The following PRDM5 variants were observed in gnomAD, a reference collection of about 807,000 sequenced individuals.
The protein encoded by PRDM5 is PR/SET domain 5, also known as PR domain zinc finger protein 5.
Under a neutral mutation model 81.2 loss-of-function variants are expected in PRDM5, and 56 were observed. The observed-to-expected ratio is 0.69, with a 90% confidence interval of 0.56 to 0.86. PRDM5 has a LOEUF of 0.86. PRDM5 is among the 40% of genes least tolerant of loss of function. The pLI is 0.00. For synonymous variants in PRDM5, 267 were observed against 256.4 expected (o/e 1.04, Z -0.39); for missense variants, 697 against 770.1 (o/e 0.91, Z 1.12).
intron 14 of PRDM5, among the ~76,000 whole-genome samples, chr4:120,722,459 G>A (rs1449007182): frequency 6.6e-6 from 1 of 151,778 alleles, no homozygotes; most frequent in Non-Finnish European, 1.5e-5. Context: ...AAGCACCCTG[G>A]AGGAGGACCC....
rs1487307893 is a variant in PRDM5, at chr4:120,887,880, C to G, written c.177+19594G>C. On this transcript the variant is annotated intron_variant, in intron 2 of 15. Coordinates refer to ENST00000264808, the MANE Select transcript of PRDM5 (RefSeq NM_018699.4). Reference sequence around the variant, plus strand: ...CAATCTCGGCTCACTGCAAGCTCCGCCTCCCGGGTTCACGCCATTCTCCTG... The same window carrying G: ...CAATCTCGGCTCACTGCAAGCTCCGGCTCCCGGGTTCACGCCATTCTCCTG... Among the ~76,000 whole-genome samples the G allele has an allele frequency of 6.8e-5, 4 of 59,248 alleles. 1 individual carries two copies. Among genetic ancestry groups the G allele is most frequent in the Admixed American group, 3.0e-4 (2 of 6,716 alleles). 38.9% of individuals were successfully genotyped at this position (59,248 alleles called of 152,430 possible).
At chr4:120,700,565 G>A (rs1463814544) in intron 15 of PRDM5, among the ~76,000 whole-genome samples, 1 of 152,132 alleles carries the variant, frequency 6.6e-6, no homozygotes, top group Non-Finnish European at 1.5e-5. Flanking sequence ...CAGTTCTAAT[G>A]TCCAGAATCT....
intron 1 of PRDM5, among the ~76,000 whole-genome samples, chr4:120,910,446 TTCTC>T (rs541605805): frequency 6.6e-6 from 1 of 152,160 alleles, no homozygotes; most frequent in Non-Finnish European, 1.5e-5. Flanking sequence ...TACCCAATCC[TTCTC>T]TCTCTCTTTG....
At chr4:120,867,249 C>G (rs951892597) in intron 2 of PRDM5, among the ~76,000 whole-genome samples, 4 of 151,896 alleles carry the variant, frequency 2.6e-5, no homozygotes, top group Non-Finnish European at 2.9e-5. Context: ...CTCACCCACA[C>G]AACTGTGAGA....
intron 3 of PRDM5, among the ~76,000 whole-genome samples, chr4:120,839,641 C>A (rs1314187275): frequency 1.3e-5 from 2 of 152,170 alleles, no homozygotes; most frequent in East Asian, 3.9e-4. Context: ...CCATTCTGGT[C>A]GACCGGACTG....
At chr4:120,690,548 A>C (rs548597763), downstream of PRDM5, among the ~76,000 whole-genome samples, 29 of 152,266 alleles carry the variant, frequency 1.9e-4, no homozygotes, top group African/African-American at 6.7e-4. Flanking sequence ...TTCAGTAGAA[A>C]AATGAAAAAA....
At chr4:120,846,939 G>A (rs1034764342) in intron 3 of PRDM5, among the ~76,000 whole-genome samples, 6 of 152,102 alleles carry the variant, frequency 3.9e-5, no homozygotes, top group South Asian at 4.2e-4. Context: ...GTCAGAGCCC[G>A]GGATCTACTT....
chr4:120,760,985 TA>T (rs1745528077), intron 13 of PRDM5, among the ~76,000 whole-genome samples: 1 of 152,206 alleles, frequency 6.6e-6, no homozygotes, highest in Non-Finnish European at 1.5e-5. Context: ...AGGACTTAGC[TA>T]AAGTCATTAG....
At chr4:120,885,057 C>T (rs898878989) in intron 2 of PRDM5, among the ~76,000 whole-genome samples, 2 of 148,496 alleles carry the variant, frequency 1.3e-5, no homozygotes, top group African/African-American at 5.1e-5. Flanking sequence ...ATGGCCTGAA[C>T]CCGGGAGGGC....
At chr4:120,712,951 C>G (rs1737221603) in intron 14 of PRDM5, among the ~76,000 whole-genome samples, 1 of 152,162 alleles carries the variant, frequency 6.6e-6, no homozygotes, top group South Asian at 2.1e-4. Flanking sequence ...GAAAGCAATT[C>G]TCTAAGGCAT....
intron 2 of PRDM5, among the ~76,000 whole-genome samples, chr4:120,876,784 C>A (rs1338617656): frequency 6.6e-6 from 1 of 152,090 alleles, no homozygotes; most frequent in Non-Finnish European, 1.5e-5. Context: ...TGAAGGAATG[C>A]ATGCAAAATT....
At chr4:120,717,726 G>A (rs757878541) in intron 14 of PRDM5, among the ~76,000 whole-genome samples, 1 of 152,136 alleles carries the variant, frequency 6.6e-6, no homozygotes, top group Non-Finnish European at 1.5e-5. Flanking sequence ...TCGGATCCCT[G>A]GATGGATCCA....
intron 14 of PRDM5, 81 bp downstream of exon 14, chr4:120,754,472 G>A (rs1308048738): frequency 1.1e-6 from 1 of 945,464 alleles, no homozygotes; most frequent in Non-Finnish European, 1.6e-6. Flanking sequence ...CCTTTATTTT[G>A]TAATATAAAG....
intron 14 of PRDM5, among the ~76,000 whole-genome samples, chr4:120,726,977 T>C (rs1182085141): frequency 1.1e-4 from 16 of 152,134 alleles, no homozygotes; most frequent in Non-Finnish European, 1.9e-4. Context: ...AATTCAGCCA[T>C]TGAGTCATAT....
chr4:120,822,974 T>C (rs185751697), intron 3 of PRDM5, among the ~76,000 whole-genome samples: 188 of 152,314 alleles, frequency 1.2e-3, no homozygotes, highest in Non-Finnish European at 2.3e-3. Flanking sequence ...GTATTCTTAG[T>C]GCAACAAAAG....
chr4:120,842,006 TA>T (rs1758091480), intron 3 of PRDM5, among the ~76,000 whole-genome samples: 2 of 152,214 alleles, frequency 1.3e-5, no homozygotes, highest in South Asian at 4.1e-4. Context: ...CACTTCATAG[TA>T]AATACTTCTT....
intron 2 of PRDM5, among the ~76,000 whole-genome samples, chr4:120,901,120 T>C (rs1283648060): frequency 6.6e-6 from 1 of 152,176 alleles, no homozygotes; most frequent in Admixed American, 6.5e-5. Context: ...GGGGTACAAG[T>C]GGTTTTTGGT....
chr4:120,758,923 T>C (rs552954776), intron 13 of PRDM5, among the ~76,000 whole-genome samples: 5 of 152,030 alleles, frequency 3.3e-5, no homozygotes, highest in South Asian at 2.1e-4. Flanking sequence ...GCCTGGCTAA[T>C]TTTTTGTATT....
intron 8 of PRDM5, among the ~76,000 whole-genome samples, chr4:120,802,491 AC>A (rs986686127): frequency 4.6e-5 from 7 of 152,326 alleles, no homozygotes; most frequent in African/African-American, 1.7e-4. Context: ...ATGGCCAGGT[AC>A]CCCTCTGAGA....
Sources: gnomAD v4.1 joint callset for allele counts (sites outside exome capture counted in the v4.1 genomes callset) on GRCh38, gnomAD v4.1.1 for gene constraint, MANE v1.5 for transcripts, NCBI Gene and HGNC (gene_info 2026-07-23, HGNC 2026-07-21) for gene names.